The following HAT1 variants were observed in gnomAD, a reference collection of about 807,000 sequenced individuals.
The protein encoded by HAT1 is histone acetyltransferase type B catalytic subunit.
HAT1 carries 20 observed loss-of-function variants against 56.6 expected under a neutral mutation model. The observed-to-expected ratio is 0.35, with a 90% CI of 0.25 to 0.51. HAT1 has a LOEUF of 0.51. HAT1 is among the 20% of genes least tolerant of loss of function. HAT1 has a pLI of 0.95. For synonymous variants in HAT1, 146 were observed against 165.5 expected (o/e 0.88, Z 0.91); for missense variants, 408 against 504.3 (o/e 0.81, Z 1.83).
chr2:171,941,512 T>C (rs1201849261), intron 2 of HAT1, among the ~76,000 whole-genome samples: 1 of 152,230 alleles, frequency 6.6e-6, no homozygotes, highest in Admixed American at 6.5e-5. Context: ...AACGTTAATC[T>C]GTATTTGCAT....
chr2:171,927,020 C>T, intron 2 of HAT1, among the ~76,000 whole-genome samples: 1 of 152,126 alleles, frequency 6.6e-6, no homozygotes, highest in East Asian at 1.9e-4. Flanking sequence ...AAAGATTGTG[C>T]TAAGTGAAAG....
At chr2:171,961,593 G>GA (rs1356330580) in intron 4 of HAT1, among the ~76,000 whole-genome samples, 1 of 151,944 alleles carries the variant, frequency 6.6e-6, no homozygotes, top group Non-Finnish European at 1.5e-5. Context: ...CAGAAATTTC[G>GA]AAAAAATCTT....
intron 10 of HAT1, among the ~76,000 whole-genome samples, chr2:171,982,431 C>T (rs1055315450): frequency 1.3e-5 from 2 of 152,214 alleles, no homozygotes; most frequent in African/African-American, 4.8e-5. Flanking sequence ...CCTGTCCTCT[C>T]CATCTCTGCT....
At chr2:171,956,901 G>T (rs1319705967) in intron 4 of HAT1, among the ~76,000 whole-genome samples, 1 of 152,202 alleles carries the variant, frequency 6.6e-6, no homozygotes, top group Non-Finnish European at 1.5e-5. Flanking sequence ...TGGAAAGTGT[G>T]TTCTGGAGAG....
At chr2:171,979,537 G>A (rs1688080582) in intron 10 of HAT1, 174 bp downstream of exon 10, 2 of 503,320 alleles carry the variant, frequency 4.0e-6, no homozygotes, top group Admixed American at 3.3e-5. Context: ...GCCGGGCGTG[G>A]TGGCCCACAC....
At chr2:171,945,170 C>A (rs1311719588) in intron 2 of HAT1, among the ~76,000 whole-genome samples, 2 of 151,890 alleles carry the variant, frequency 1.3e-5, no homozygotes, top group East Asian at 3.9e-4. Flanking sequence ...CGCGCCCAGC[C>A]CTCCAATTTT....
chr2:171,962,705 T>C lies in HAT1; in HGVS notation c.310-2633T>C, dbSNP rs139214998. ...CACCATGCCCAGCCTGGTGTCTTTTTAAAAATTTTTTTGAAATTCTAGTTC... is the reference window on the plus strand; with the variant it reads ...CACCATGCCCAGCCTGGTGTCTTTTCAAAAATTTTTTTGAAATTCTAGTTC... On this transcript the variant is annotated intron_variant, in intron 4 of 10. Transcript: ENST00000264108. Among the ~76,000 whole-genome samples, 430 of 152,324 alleles carry C rather than the reference T, an allele frequency of 2.8e-3. 2 individuals carry two copies. Among genetic ancestry groups the C allele is most frequent in the African/African-American group, 9.8e-3 (409 of 41,578 alleles).
intron 2 of HAT1, among the ~76,000 whole-genome samples, chr2:171,933,350 T>G (rs538742607): frequency 6.6e-6 from 1 of 152,276 alleles, no homozygotes; most frequent in East Asian, 1.9e-4. Flanking sequence ...TGAGCCACCT[T>G]ACCTGGTCTA....
intron 2 of HAT1, among the ~76,000 whole-genome samples, chr2:171,942,947 T>A (rs1231370196): frequency 6.6e-6 from 1 of 152,080 alleles, no homozygotes; most frequent in African/African-American, 2.4e-5. Flanking sequence ...ACTACCAAAA[T>A]GTCATATAAT....
At chr2:171,956,696 G>GATTT (rs1247060003) in intron 4 of HAT1, among the ~76,000 whole-genome samples, 2 of 152,194 alleles carry the variant, frequency 1.3e-5, no homozygotes, top group African/African-American at 4.8e-5. Context: ...GAACTTGGAT[G>GATTT]TTTAGCTGAG....
At chr2:171,929,965 T>A (rs1277467462) in intron 2 of HAT1, among the ~76,000 whole-genome samples, 1 of 152,216 alleles carries the variant, frequency 6.6e-6, no homozygotes, top group Non-Finnish European at 1.5e-5. Context: ...AAGTTCTGAC[T>A]AATCTTAAGA....
intron 3 of HAT1, among the ~76,000 whole-genome samples, chr2:171,951,091 G>A (rs1391715035): frequency 6.6e-6 from 1 of 152,174 alleles, no homozygotes; most frequent in Non-Finnish European, 1.5e-5. Context: ...GATTACAGGC[G>A]TGAGCCACTG....
intron 3 of HAT1, among the ~76,000 whole-genome samples, chr2:171,946,986 T>G (rs1439134542): frequency 1.3e-5 from 2 of 152,184 alleles, no homozygotes; most frequent in African/African-American, 4.8e-5. Context: ...ATGCATTATT[T>G]AATTCTCACA....
intron 2 of HAT1, among the ~76,000 whole-genome samples, chr2:171,934,545 C>T (rs568963187): frequency 9.2e-5 from 14 of 152,172 alleles, no homozygotes; most frequent in African/African-American, 3.1e-4. Flanking sequence ...CTGTGGAGAA[C>T]GTGCTTATAG....
chr2:171,955,968 C>T (rs1431098119), intron 4 of HAT1, among the ~76,000 whole-genome samples: 1 of 152,034 alleles, frequency 6.6e-6, no homozygotes, highest in Non-Finnish European at 1.5e-5. Flanking sequence ...TCACCGGAAC[C>T]CGGTAGGCGG....
At chr2:171,956,515 A>AAAAC (rs142502817) in intron 4 of HAT1, among the ~76,000 whole-genome samples, 28,110 of 151,982 alleles carry the variant, frequency 0.18, 3,781 homozygotes, top group African/African-American at 0.37. Flanking sequence ...TTGTCTCCAA[A>AAAAC]AAACAAACAA....
Position 171,952,682 on chromosome 2 carries a change from C to T in HAT1, c.189-199C>T, listed in dbSNP as rs571595217. ...GTATTAACTTATTTAACCCAAACAA[C>T]ATTCCTGACTTAGGCAACATTCCTG... is the stretch of plus-strand genomic sequence containing the variant. On this transcript the variant is annotated intron_variant, in intron 3 of 10. Transcript: ENST00000264108. Among the ~76,000 whole-genome samples the T allele has an allele frequency of 3.3e-5, 5 of 152,302 alleles. No homozygotes were observed. In the South Asian group the frequency reaches 1.0e-3, roughly 32 times the overall value.
At chr2:171,945,732 G>A (rs986069960) in intron 2 of HAT1, among the ~76,000 whole-genome samples, 2 of 151,928 alleles carry the variant, frequency 1.3e-5, no homozygotes, top group African/African-American at 2.4e-5. Flanking sequence ...GCAGTGGCAC[G>A]ATCTCGGCTC....
intron 3 of HAT1, among the ~76,000 whole-genome samples, chr2:171,951,955 C>T (rs1407777600): frequency 6.6e-6 from 1 of 152,088 alleles, no homozygotes; most frequent in Non-Finnish European, 1.5e-5. Context: ...GGACAGTGCT[C>T]CGTATTTTCG....
Sources: gnomAD v4.1 joint callset for allele counts (sites outside exome capture counted in the v4.1 genomes callset) on GRCh38, gnomAD v4.1.1 for gene constraint, MANE v1.5 for transcripts, NCBI Gene and HGNC (gene_info 2026-07-23, HGNC 2026-07-21) for gene names.